The following MGAT5 variants were observed in gnomAD, a reference collection of about 807,000 sequenced individuals.
The protein encoded by MGAT5 is alpha-1,6-mannosylglycoprotein 6-beta-N-acetylglucosaminyltransferase.
In MGAT5, 30 loss-of-function variants were observed where a neutral mutation model predicts 94.3. That is an observed-to-expected ratio of 0.32 (90% confidence interval 0.24 to 0.43). MGAT5 has a LOEUF of 0.43. Among genes scored for constraint, MGAT5 ranks in the 20% least tolerant of loss-of-function variants. MGAT5 has a pLI of 1.00. For synonymous variants in MGAT5, 310 were observed against 322.9 expected (o/e 0.96, Z 0.43); for missense variants, 691 against 905.5 (o/e 0.76, Z 3.04).
chr2:134,253,651 C>A (rs1199516641), upstream of MGAT5, among the ~76,000 whole-genome samples: 2 of 152,170 alleles, frequency 1.3e-5, no homozygotes, highest in African/African-American at 4.8e-5. Flanking sequence ...CTGCTTGTAC[C>A]TCTGGCATAT....
At chr2:134,161,619 A>G (rs1687738049) in intron 1 of MGAT5, among the ~76,000 whole-genome samples, 1 of 152,134 alleles carries the variant, frequency 6.6e-6, no homozygotes, top group Non-Finnish European at 1.5e-5. Context: ...GTCTGGAAGA[A>G]TAGAGTTTAT....
chr2:134,328,497 G>A (rs1168532595), intron 4 of MGAT5, among the ~76,000 whole-genome samples: 1 of 152,026 alleles, frequency 6.6e-6, no homozygotes, highest in Non-Finnish European at 1.5e-5. Flanking sequence ...CTCCCTCAGT[G>A]TATTATTGAA....
chr2:134,349,998 T>G, intron 9 of MGAT5, 60 bp downstream of exon 9: 1 of 1,588,172 alleles, frequency 6.3e-7, no homozygotes, highest in Non-Finnish European at 8.6e-7. Flanking sequence ...ATGGGAAAAT[T>G]AGCCGCCATC....
intron 11 of MGAT5, among the ~76,000 whole-genome samples, chr2:134,409,236 A>G (rs1335829195): frequency 6.6e-6 from 1 of 152,204 alleles, no homozygotes; most frequent in East Asian, 1.9e-4. Context: ...TCCATGTACT[A>G]TCTCATGTAA....
chr2:134,280,419 C>T (rs893262175), intron 2 of MGAT5, among the ~76,000 whole-genome samples: 6 of 152,146 alleles, frequency 3.9e-5, no homozygotes, highest in African/African-American at 1.4e-4. Flanking sequence ...ACAGAGTCAC[C>T]CGAGGACGAC....
In MGAT5 at chr2:134,176,786, C is replaced by A. The variant is rs12991350; in HGVS notation, c.-143+56495C>A. Reference sequence around the variant, plus strand: ...AGAGCAGAAACAAATACTTGGTGGACTGGCAGTGTGCTGCAGGCTCCCCTT... The same window carrying A: ...AGAGCAGAAACAAATACTTGGTGGAATGGCAGTGTGCTGCAGGCTCCCCTT... On this transcript the variant is annotated intron_variant, in intron 1 of 16. Transcript: ENST00000409645. 1.0e-3 allele frequency among the ~76,000 whole-genome samples: 158 copies of A among 152,274 alleles called. 1 individual carries two copies. Among genetic ancestry groups the A allele is most frequent in the African/African-American group, 3.5e-3 (147 of 41,556 alleles).
chr2:134,415,151 T>C (rs1325719684), intron 12 of MGAT5, among the ~76,000 whole-genome samples: 1 of 152,214 alleles, frequency 6.6e-6, no homozygotes, highest in Non-Finnish European at 1.5e-5. Context: ...GATTGCTGGA[T>C]TATGTGGAGT....
At chr2:134,209,152 A>ATTTTTTTTTTTT (rs869116395) in intron 1 of MGAT5, among the ~76,000 whole-genome samples, 45 of 20,702 alleles carry the variant, frequency 2.2e-3, no homozygotes, top group Non-Finnish European at 2.4e-3. Context: ...TTTTTTTTTT[A>ATTTTTTTTTTTT]TTTTTTTTTT....
intron 7 of MGAT5, among the ~76,000 whole-genome samples, chr2:134,342,616 G>A (rs548283026): frequency 3.3e-5 from 5 of 152,004 alleles, no homozygotes; most frequent in African/African-American, 1.2e-4. Flanking sequence ...ACCGGGTGTG[G>A]TGGCCCATGC....
chr2:134,251,182 A>C (rs1682567005), upstream of MGAT5, among the ~76,000 whole-genome samples: 1 of 151,896 alleles, frequency 6.6e-6, no homozygotes, highest in Non-Finnish European at 1.5e-5. Flanking sequence ...AGTAATGAGT[A>C]ATGAGTATGG....
intron 1 of MGAT5, among the ~76,000 whole-genome samples, chr2:134,159,929 T>C (rs963184663): frequency 1.3e-5 from 2 of 152,194 alleles, no homozygotes; most frequent in African/African-American, 4.8e-5. Context: ...TATGGGATTC[T>C]AACATCCTTT....
At chr2:134,209,152 A>ATTTTTTTTTTTTTTTTTATTTTT (rs1680176860) in intron 1 of MGAT5, among the ~76,000 whole-genome samples, 1 of 20,778 alleles carries the variant, frequency 4.8e-5, no homozygotes, top group Non-Finnish European at 6.4e-5. Flanking sequence ...TTTTTTTTTT[A>ATTTTTTTTTTTTTTTTTATTTTT]TTTTTTTTTT....
intron 1 of MGAT5, among the ~76,000 whole-genome samples, chr2:134,176,154 T>C (rs1194212822): frequency 5.9e-5 from 9 of 151,600 alleles, no homozygotes; most frequent in African/African-American, 2.2e-4. Flanking sequence ...CTGAAGGGGG[T>C]TGCTGGGCCA....
At chr2:134,194,560 A>G (rs1679403942) in intron 1 of MGAT5, among the ~76,000 whole-genome samples, 1 of 152,182 alleles carries the variant, frequency 6.6e-6, no homozygotes, top group South Asian at 2.1e-4. Context: ...AAGTGTTCGA[A>G]TCAATCTAAT....
chr2:134,428,515 T>A, intron 14 of MGAT5, 76 bp downstream of exon 14: 1 of 1,320,630 alleles, frequency 7.6e-7, no homozygotes, highest in Non-Finnish European at 1.1e-6. Context: ...CAAGAACATT[T>A]AAGAGCTCAC....
At chr2:134,137,473 AGAG>A (rs1250950050) in intron 1 of MGAT5, among the ~76,000 whole-genome samples, 1 of 152,208 alleles carries the variant, frequency 6.6e-6, no homozygotes, top group East Asian at 1.9e-4. Flanking sequence ...TGTCCACAGA[AGAG>A]CTTATTGTAC....
chr2:134,175,484 T>TC (rs1400560262), intron 1 of MGAT5, among the ~76,000 whole-genome samples: 2 of 152,184 alleles, frequency 1.3e-5, no homozygotes, highest in African/African-American at 4.8e-5. Flanking sequence ...ACTACCTGGA[T>TC]CCACCCTTAG....
chr2:134,137,953 C>T (rs1686491772), intron 1 of MGAT5, among the ~76,000 whole-genome samples: 2 of 148,610 alleles, frequency 1.3e-5, no homozygotes, highest in Non-Finnish European at 1.5e-5. Context: ...ATTGATATTA[C>T]AGATTTGTGT....
In MGAT5 at chr2:134,452,745, C is replaced by G. The variant is rs1686171475; in HGVS notation, c.*3898C>G. 6.6e-6 allele frequency: 1 copy of G among 152,206 alleles called. No homozygotes were observed. The highest frequency in any genetic ancestry group is 1.5e-5 in the Non-Finnish European group (1 of 68,036). The allele number at this position is 152,206 out of a possible 1,614,324, so 9.4% of individuals were successfully genotyped here. A position where few individuals can be genotyped will look rare whatever the true frequency, so the allele number is the denominator to read the frequency against. ...TGTTGTATGTGTTACTATCCCAAGCCTGGATTATTTTATTTATTTAAAAGT... is the reference window on the plus strand; with the variant it reads ...TGTTGTATGTGTTACTATCCCAAGCGTGGATTATTTTATTTATTTAAAAGT... On this transcript the variant is annotated 3_prime_UTR_variant, in exon 16 of 16. Coordinates refer to ENST00000281923, the MANE Select transcript of MGAT5 (RefSeq NM_002410.5).
Sources: gnomAD v4.1 joint callset for allele counts (sites outside exome capture counted in the v4.1 genomes callset) on GRCh38, gnomAD v4.1.1 for gene constraint, MANE v1.5 for transcripts, NCBI Gene and HGNC (gene_info 2026-07-23, HGNC 2026-07-21) for gene names.